The following PCDHGB3 variants were observed in gnomAD, a reference collection of about 807,000 sequenced individuals.
PCDHGB3 encodes protocadherin gamma-B3.
PCDHGB3 carries 40 observed loss-of-function variants against 59.2 expected under a neutral mutation model. The ratio of observed to expected loss-of-function variants is 0.68; its 90% CI spans 0.52 to 0.88. PCDHGB3 has a LOEUF of 0.88. PCDHGB3 is among the 40% of genes least tolerant of loss of function. PCDHGB3 has a pLI of 0.00. For missense variants in PCDHGB3, 1,309 were observed against 1,187.9 expected, an observed-to-expected ratio of 1.10 and a Z score of -1.50; for synonymous variants, 581 against 503.6, an observed-to-expected ratio of 1.15 and a Z score of -2.06.
At chr5:141,456,615 A>G (rs561978043) in intron 1 of PCDHGB3, among the ~76,000 whole-genome samples, 3 of 152,318 alleles carry the variant, frequency 2.0e-5, no homozygotes, top group East Asian at 3.9e-4. Flanking sequence ...AAGTCCCTGT[A>G]GATTTGCCTC....
intron 1 of PCDHGB3, chr5:141,427,468 C>T: frequency 2.0e-6 from 1 of 509,312 alleles, no homozygotes; most frequent in Middle Eastern, 3.0e-4. Flanking sequence ...ATCGAATCTT[C>T]CGCCAATAAT....
intron 1 of PCDHGB3, chr5:141,389,451 C>T: frequency 6.2e-7 from 1 of 1,610,536 alleles, no homozygotes; most frequent in South Asian, 1.1e-5. Context: ...CCACGAGCAG[C>T]TGCGCGCCTT....
intron 1 of PCDHGB3, chr5:141,400,128 G>A: frequency 6.2e-7 from 1 of 1,614,080 alleles, no homozygotes; most frequent in South Asian, 1.1e-5. Flanking sequence ...TGCAGGAGGT[G>A]CTGCCGGATA....
intron 1 of PCDHGB3, chr5:141,478,743 A>G: frequency 6.5e-7 from 1 of 1,528,732 alleles, no homozygotes; most frequent in Non-Finnish European, 8.8e-7. Context: ...TTGTGGTCCC[A>G]TTTCAGGGGG....
At chr5:141,506,863 G>A (rs1162975959) in intron 3 of PCDHGB3, among the ~76,000 whole-genome samples, 1 of 152,120 alleles carries the variant, frequency 6.6e-6, no homozygotes, top group Non-Finnish European at 1.5e-5. Context: ...GAGGACTGGT[G>A]GGTAGAGAAC....
At chr5:141,408,458 G>A (rs760881860) in intron 1 of PCDHGB3, 1 of 1,614,066 alleles carries the variant, frequency 6.2e-7, no homozygotes, top group Admixed American at 1.7e-5. Context: ...GGACTTACTT[G>A]TGAAGAACCG....
rs776176122 is a variant in PCDHGB3, at chr5:141,408,982, T to C, written c.2415+36173T>C. 124 of 1,613,830 alleles carry C rather than the reference T, an allele frequency of 7.7e-5. 1 individual carries two copies. Among genetic ancestry groups the C allele is most frequent in the Admixed American group, 3.7e-4 (22 of 59,994 alleles). ...GTGAAAATCTGCCCCCTGGGTCCCC[T>C]GTGTTGCAAGTGACAGCCACTGACC... On this transcript the variant is annotated intron_variant, in intron 1 of 3. Transcript: ENST00000576222.
intron 1 of PCDHGB3, chr5:141,423,241 G>C: frequency 6.2e-7 from 1 of 1,613,954 alleles, no homozygotes; most frequent in Non-Finnish European, 8.5e-7. Context: ...CATCCCCGAA[G>C]TCCTGGCGGA....
At chr5:141,390,163 C>G (rs376391116) in intron 1 of PCDHGB3, 6 of 1,613,992 alleles carry the variant, frequency 3.7e-6, no homozygotes, top group Non-Finnish European at 5.1e-6. Flanking sequence ...ACAGGAAAGA[C>G]GGAGTTTAAT....
At chr5:141,461,592 A>G (rs777372149) in intron 1 of PCDHGB3, among the ~76,000 whole-genome samples, 4 of 152,148 alleles carry the variant, frequency 2.6e-5, no homozygotes, top group African/African-American at 2.4e-5. Flanking sequence ...TTATATTTCC[A>G]TTATAATTTA....
intron 1 of PCDHGB3, chr5:141,376,828 A>T (rs986272669): frequency 7.4e-6 from 2 of 269,538 alleles, no homozygotes; most frequent in African/African-American, 4.6e-5. Context: ...CTGGGACTAC[A>T]GGCGCCCGCC....
intron 1 of PCDHGB3, among the ~76,000 whole-genome samples, chr5:141,481,184 C>A (rs2099533291): frequency 6.6e-6 from 1 of 152,146 alleles, no homozygotes; most frequent in African/African-American, 2.4e-5. Flanking sequence ...CTTTATTGGG[C>A]CAGGCCCAAT....
Position 141,493,359 on chromosome 5 carries a change from G to A in PCDHGB3, c.2416-1448G>A, listed in dbSNP as rs956980110. Among the ~76,000 whole-genome samples the A allele has an allele frequency of 2.6e-5, 4 of 152,148 alleles. No homozygotes were observed. The highest frequency in any genetic ancestry group is 9.7e-5 in the African/African-American group (4 of 41,418). ...CCAGAATGTGTGCTTTTAATTTCTT[G>A]GCACTTGGAACTTTAAAAGCTTGAG... On this transcript the variant is annotated intron_variant, in intron 1 of 3. Transcript: ENST00000576222. This position sits in a 1 kb window ranked among gnomAD's most constrained non-coding sequence, Gnocchi z 4.3.
intron 1 of PCDHGB3, chr5:141,399,667 C>T (rs752195462): frequency 1.2e-6 from 2 of 1,613,634 alleles, no homozygotes; most frequent in Non-Finnish European, 8.5e-7. Context: ...GTTCGCGCAG[C>T]GCGCCTTTGA....
rs148119281 is a variant in PCDHGB3, at chr5:141,511,006, C to T, written c.2623C>T (p.Arg875Cys). The T allele has an allele frequency of 3.5e-5, 56 of 1,614,078 alleles. No individual in the cohort carries two copies. Among genetic ancestry groups the T allele is most frequent in the African/African-American group, 5.3e-5 (4 of 74,922 alleles). The change falls in exon 4 of 4, where the codon CGC (arginine) becomes TGC (cysteine). Residue 875 changes from arginine to cysteine, a missense_variant. By Grantham distance (180) the Arg-to-Cys change is radical. Transcript: ENST00000576222. Reference protein sequence around the residue: ...GGAGTMGLSARYGPQFTLQHV... With the variant: ...GGAGTMGLSACYGPQFTLQHV... ...TGCCGGCACCATGGGATTGAGCGCC[C>T]GCTACGGACCCCAGTTCACCCTGCA...
intron 1 of PCDHGB3, chr5:141,383,588 T>C: frequency 6.2e-7 from 1 of 1,613,646 alleles, no homozygotes; most frequent in Non-Finnish European, 8.5e-7. Context: ...CACATCCAGG[T>C]GACAGTGGTG....
intron 2 of PCDHGB3, 84 bp downstream of exon 2, chr5:141,494,949 C>A (rs1193148622): frequency 6.2e-7 from 1 of 1,606,850 alleles, no homozygotes; most frequent in Non-Finnish European, 8.5e-7. Context: ...GAGGGCCCAG[C>A]ATTTGCTACA....
chr5:141,450,592 T>G (rs1403924348), intron 1 of PCDHGB3, among the ~76,000 whole-genome samples: 1 of 151,838 alleles, frequency 6.6e-6, no homozygotes, highest in Non-Finnish European at 1.5e-5. Context: ...GTTCAAGCAA[T>G]TCTCCTGCCT....
Position 141,485,448 on chromosome 5 carries a change from G to A in PCDHGB3, c.2416-9359G>A. On this transcript the variant is annotated intron_variant, in intron 1 of 3. Coordinates refer to ENST00000576222, the MANE Select transcript of PCDHGB3 (RefSeq NM_018924.5). This position sits in a 1 kb window ranked among gnomAD's most constrained non-coding sequence, Gnocchi z 5.7. ...CTGCTCATCAAGAACCCAATCGACC[G>A]AGAGGCACTGTGTGGGCTCAGTGCC... is the stretch of plus-strand genomic sequence containing the variant. 1 of 1,614,154 alleles carries A rather than the reference G, an allele frequency of 6.2e-7. No homozygotes were observed.
Sources: gnomAD v4.1 joint callset for allele counts (sites outside exome capture counted in the v4.1 genomes callset) on GRCh38, gnomAD v4.1.1 for gene constraint, Gnocchi (gnomAD v3.1) non-coding constraint, MANE v1.5 for transcripts, NCBI Gene and HGNC (gene_info 2026-07-23, HGNC 2026-07-21) for gene names.